Variants in ASPH observed in about 807,000 individuals in gnomAD.
ASPH encodes aspartate beta-hydroxylase, also known as aspartyl/asparaginyl beta-hydroxylase.
In ASPH, 100 loss-of-function variants were observed where a neutral mutation model predicts 118.4. The ratio of observed to expected loss-of-function variants is 0.84; its 90% CI spans 0.72 to 1.00. ASPH has a LOEUF of 1.00. Ranked by LOEUF, ASPH falls within the 50% of genes least tolerant of loss-of-function variation. The pLI, the probability that ASPH is intolerant of heterozygous loss-of-function variation, is 0.00. For missense variants in ASPH, 920 were observed against 919.5 expected, an observed-to-expected ratio of 1.00 and a Z score of -0.01; for synonymous variants, 315 against 325.6, an observed-to-expected ratio of 0.97 and a Z score of 0.35.
At chr8:61,703,981 G>A (rs949350192) in intron 1 of ASPH, among the ~76,000 whole-genome samples, 1 of 151,792 alleles carries the variant, frequency 6.6e-6, no homozygotes, top group African/African-American at 2.4e-5. Context: ...GGATCACGAG[G>A]TCAGGAGATC....
intron 14 of ASPH, among the ~76,000 whole-genome samples, chr8:61,598,617 T>G (rs1437435326): frequency 6.6e-6 from 1 of 152,218 alleles, no homozygotes. Flanking sequence ...ACACTGGATT[T>G]AAACTGCACT....
In ASPH at chr8:61,651,127, A is replaced by G; in HGVS notation, c.416-3T>C. 2 of 1,612,918 alleles carry G rather than the reference A, an allele frequency of 1.2e-6. No homozygotes were observed. The highest frequency in any genetic ancestry group is 1.7e-6 in the Non-Finnish European group (2 of 1,179,404). On this transcript the variant is annotated splice_polypyrimidine_tract_variant and splice_region_variant and intron_variant, in intron 4 of 24. Coordinates refer to ENST00000379454, the MANE Select transcript of ASPH (RefSeq NM_004318.4). The stretch of plus-strand genomic sequence containing the variant: ...TTCATCTTCGATATTCTGGGGTTCT[A>G]AAATAATTGCAAAACATAGCTAAGT...
intron 21 of ASPH, among the ~76,000 whole-genome samples, chr8:61,544,573 G>A (rs1486678621): frequency 6.6e-6 from 1 of 152,138 alleles, no homozygotes; most frequent in Non-Finnish European, 1.5e-5. Context: ...AGTGCAGTAA[G>A]GGAGAATTTT....
chr8:61,623,325 C>T (rs953453488), intron 13 of ASPH, among the ~76,000 whole-genome samples: 1 of 152,138 alleles, frequency 6.6e-6, no homozygotes, highest in African/African-American at 2.4e-5. Context: ...TTTTCGTATA[C>T]CTGTTTTGCC....
chr8:61,522,682 T>C (rs1221745328), intron 22 of ASPH, among the ~76,000 whole-genome samples: 1 of 152,180 alleles, frequency 6.6e-6, no homozygotes, highest in Admixed American at 6.5e-5. Context: ...TGCTGTCCTG[T>C]GAAGAGGTGC....
chr8:61,664,356 A>ATTT lies in ASPH; in HGVS notation c.323-10697_323-10696insAAA, dbSNP rs1364717788. The stretch of plus-strand genomic sequence containing the variant: ...AAAAAGTGTGATATAAAATGAAAGT[A>ATTT]CATTCTAATCTGAAATAATTAAAAC... On this transcript the variant is annotated intron_variant, in intron 3 of 24. Transcript: ENST00000379454. 2.8e-4 allele frequency: 277 copies of ATTT among 974,252 alleles called. No individual in the cohort carries two copies. The African/African-American group carries it at 4.5e-3, about 16-fold the overall frequency. The allele number at this position is 974,252 out of a possible 1,614,324, so 60.4% of individuals were successfully genotyped here.
At chr8:61,579,192 A>G in intron 15 of ASPH, 1 of 1,612,982 alleles carries the variant, frequency 6.2e-7, no homozygotes, top group Non-Finnish European at 8.5e-7. Flanking sequence ...TGAGGGCCTC[A>G]AAGGCCAGAG....
At chr8:61,558,613 C>CT (rs1236593827) in intron 18 of ASPH, among the ~76,000 whole-genome samples, 1 of 152,198 alleles carries the variant, frequency 6.6e-6, no homozygotes, top group Admixed American at 6.5e-5. Context: ...AGGAAAAACA[C>CT]TGTCAGGAGG....
chr8:61,713,806 C>T (rs1015688657), intron 1 of ASPH, among the ~76,000 whole-genome samples: 5 of 152,170 alleles, frequency 3.3e-5, no homozygotes, highest in Admixed American at 2.6e-4. Context: ...CCTCCCCCTG[C>T]CCCCCGGCGC....
chr8:61,535,826 C>T (rs932099862), intron 21 of ASPH, among the ~76,000 whole-genome samples: 2 of 152,228 alleles, frequency 1.3e-5, no homozygotes, highest in African/African-American at 2.4e-5. Context: ...CCCAGGATGG[C>T]GGGGATCCCC....
intron 2 of ASPH, chr8:61,682,560 A>G: frequency 7.6e-7 from 1 of 1,311,660 alleles, no homozygotes; most frequent in Middle Eastern, 1.8e-4. Context: ...CTTTTAAGAT[A>G]CATTCCCTAA....
At chr8:61,547,933 T>C (rs1010862813) in intron 21 of ASPH, 138 bp downstream of exon 21, 1 of 1,241,494 alleles carries the variant, frequency 8.1e-7, no homozygotes, top group Admixed American at 2.6e-5. Context: ...GACAATTCTT[T>C]TTCCATTATA....
At position 61,714,481 on chromosome 8, in the gene ASPH, G is replaced by A. The variant is rs1001166968; in HGVS notation, c.-110C>T. On this transcript the variant is annotated 5_prime_UTR_variant, in exon 1 of 25. Transcript: ENST00000379454. ...CGGCGGGCCGCTGGAGCGGGTTCGG[G>A]CCGCTGCTCCTGCAGCAGACCCTGT... 3 of 1,342,812 alleles carry A rather than the reference G, an allele frequency of 2.2e-6. No homozygotes were observed. Among genetic ancestry groups the A allele is most frequent in the East Asian group, 6.2e-5 (2 of 32,124 alleles). The allele number at this position is 1,342,812 out of a possible 1,614,324, so 83.2% of individuals were successfully genotyped here.
At chr8:61,621,842 A>G (rs1056940715) in intron 13 of ASPH, among the ~76,000 whole-genome samples, 17 of 152,280 alleles carry the variant, frequency 1.1e-4, no homozygotes, top group African/African-American at 3.4e-4. Context: ...TTACAAAAGT[A>G]CAAGCTCACA....
chr8:61,554,488 G>A (rs1269868630), intron 19 of ASPH, among the ~76,000 whole-genome samples: 1 of 151,974 alleles, frequency 6.6e-6, no homozygotes, highest in Non-Finnish European at 1.5e-5. Flanking sequence ...TAAAAAAAAA[G>A]CCTACAGCTA....
At chr8:61,579,387 A>G (rs1158158347) in intron 15 of ASPH, 9 of 1,613,766 alleles carry the variant, frequency 5.6e-6, no homozygotes, top group African/African-American at 2.7e-5. Context: ...CGAGATCGCC[A>G]CCTACAGGAA....
intron 20 of ASPH, among the ~76,000 whole-genome samples, chr8:61,552,218 C>T (rs1826268290): frequency 6.6e-6 from 1 of 152,346 alleles, no homozygotes; most frequent in Non-Finnish European, 1.5e-5. Flanking sequence ...GCTCTCACCC[C>T]TGCAATAAAG....
chr8:61,660,602 G>GATCCAGC (rs1563443142), intron 3 of ASPH: 2 of 152,100 alleles, frequency 1.3e-5, no homozygotes, highest in Non-Finnish European at 2.9e-5. Flanking sequence ...CAAGCACCTA[G>GATCCAGC]ATCCAGCATA....
At chr8:61,530,440 C>T (rs1215149336) in intron 21 of ASPH, among the ~76,000 whole-genome samples, 1 of 152,152 alleles carries the variant, frequency 6.6e-6, no homozygotes, top group African/African-American at 2.4e-5. Context: ...AATGGCCTTC[C>T]CAGTTCTGAC....
Sources: gnomAD v4.1 joint callset for allele counts (sites outside exome capture counted in the v4.1 genomes callset) on GRCh38, gnomAD v4.1.1 for gene constraint, MANE v1.5 for transcripts, NCBI Gene and HGNC (gene_info 2026-07-23, HGNC 2026-07-21) for gene names.